Variants in MUC7 observed in about 807,000 individuals in gnomAD.
MUC7 encodes mucin 7, secreted.
Under a neutral mutation model 2.5 loss-of-function variants are expected in MUC7, and 2 were observed. The ratio of observed to expected loss-of-function variants is 0.81; its 90% CI spans 0.33 to 2.55. The LOEUF is 2.55. Ranked by LOEUF, MUC7 falls within the 30% of genes most tolerant of loss-of-function variation. The probability of loss-of-function intolerance (pLI) is 0.11; values close to 1 mark genes in which losing one functional copy is unlikely to be tolerated. For missense variants in MUC7, 408 were observed against 455.6 expected (o/e 0.90, Z 0.95); for synonymous variants, 133 against 173.4 (o/e 0.77, Z 1.83).
In MUC7 at chr4:70,477,744, G is replaced by A. The variant is rs116644642; in HGVS notation, c.55-3055G>A. 1.2e-3 allele frequency among the ~76,000 whole-genome samples: 177 copies of A among 152,064 alleles called. 3 individuals are homozygous for A. The highest frequency in any genetic ancestry group is 3.9e-3 in the African/African-American group (162 of 41,480). On this transcript the variant is annotated intron_variant, in intron 2 of 2. Transcript: ENST00000304887. ...CATCCATATAATGAAGATAATAACC[G>A]TACCCACCTTATGATATTACTAAGA...
upstream of MUC7, among the ~76,000 whole-genome samples, chr4:70,468,438 G>T (rs189723485): frequency 6.6e-6 from 1 of 152,030 alleles, no homozygotes; most frequent in African/African-American, 2.4e-5. Context: ...AGAAATAAAG[G>T]GTATTCAAAT....
intron 1 of MUC7, among the ~76,000 whole-genome samples, chr4:70,432,970 C>T (rs928303517): frequency 6.6e-6 from 1 of 152,200 alleles, no homozygotes; most frequent in African/African-American, 2.4e-5. Context: ...TTCCCGACAC[C>T]ACTTATTACA....
At chr4:70,435,078 G>T (rs1292309800) in intron 1 of MUC7, among the ~76,000 whole-genome samples, 2 of 152,130 alleles carry the variant, frequency 1.3e-5, no homozygotes, top group African/African-American at 2.4e-5. Context: ...GAGACAGTTT[G>T]TTGTGATTTC....
At position 70,461,428 on chromosome 4, in the gene MUC7, T is replaced by G. The variant is rs77188644; in HGVS notation, c.-92-10787T>G. Among the ~76,000 whole-genome samples, 494 of 152,306 alleles carry G rather than the reference T, an allele frequency of 3.2e-3. 1 individual carries two copies. The highest frequency in any genetic ancestry group is 0.011 in the African/African-American group (478 of 41,576). On this transcript the variant is annotated intron_variant, in intron 1 of 3. Coordinates refer to the MUC7 transcript ENST00000413702. ...ATGGACTCATTATTAGAAAAACCTG[T>G]GTGTTTTACTGATTTTCCAGTAGAA... is the stretch of plus-strand genomic sequence containing the variant.
rs567678861 is a variant in MUC7 at position 70,432,736 on chromosome 4, A to G, written c.-93+2049A>G. Among the ~76,000 whole-genome samples, 13 of 152,252 alleles carry G rather than the reference A, an allele frequency of 8.5e-5. No homozygotes were observed. The South Asian group carries it at 2.3e-3, about 27-fold the overall frequency. On this transcript the variant is annotated intron_variant, in intron 1 of 3. Transcript: ENST00000413702. ...TGCTGTGCAGAAGCTCTTTAGTTTA[A>G]TTAGATCCCATTTGTCAATTTTGGC...
rs74755882 is a variant in MUC7, at chr4:70,453,424, T to C, written c.-92-18791T>C. Among the ~76,000 whole-genome samples the C allele has an allele frequency of 4.3e-4, 65 of 152,308 alleles. No homozygotes were observed. In the East Asian group the frequency reaches 0.012, roughly 29 times the overall value. On this transcript the variant is annotated intron_variant, in intron 1 of 3. Transcript: ENST00000413702. ...CACAGCCACTGCCACCACAGGCTCA[T>C]GAATAGTATTGCCTGACTACTGCTG...
intron 2 of MUC7, 33 bp from the exon 3 acceptor site, chr4:70,480,766 T>G: frequency 6.3e-7 from 1 of 1,597,778 alleles, no homozygotes; most frequent in Non-Finnish European, 8.5e-7. Context: ...TGGATACTTT[T>G]TTCATTTCTT....
intron 1 of MUC7, among the ~76,000 whole-genome samples, chr4:70,446,395 G>T (rs1223474364): frequency 6.6e-6 from 1 of 152,144 alleles, no homozygotes; most frequent in Non-Finnish European, 1.5e-5. Flanking sequence ...TCTTGCCTGT[G>T]AAACCTGTAG....
At chr4:70,456,244 T>G (rs912505973) in intron 1 of MUC7, among the ~76,000 whole-genome samples, 1 of 152,126 alleles carries the variant, frequency 6.6e-6, no homozygotes, top group Non-Finnish European at 1.5e-5. Context: ...CTGAAAACAT[T>G]TACTCAAAAA....
chr4:70,450,165 A>G (rs1051167890), intron 1 of MUC7, among the ~76,000 whole-genome samples: 1 of 152,226 alleles, frequency 6.6e-6, no homozygotes, highest in Non-Finnish European at 1.5e-5. Context: ...TCAAGCCACA[A>G]GATGCAGTCC....
chr4:70,435,916 A>AG (rs1187818977), intron 1 of MUC7, among the ~76,000 whole-genome samples: 1 of 152,030 alleles, frequency 6.6e-6, no homozygotes, highest in Non-Finnish European at 1.5e-5. Context: ...AAATCTCTTC[A>AG]CATTTGCTTG....
chr4:70,434,781 T>C (rs1220106532), intron 1 of MUC7, among the ~76,000 whole-genome samples: 1 of 152,224 alleles, frequency 6.6e-6, no homozygotes, highest in African/African-American at 2.4e-5. Context: ...CTTCTCTAGT[T>C]CTTTTAATTG....
rs188137864 is a variant in MUC7 at position 70,452,907 on chromosome 4, G to C, written c.-92-19308G>C. ...TGATGAAATCCCTCAGGTTTTGTTT[G>C]TCTGGGAAAGTCTCTATTCCTCTTT... On this transcript the variant is annotated intron_variant, in intron 1 of 3. Transcript: ENST00000413702. Among the ~76,000 whole-genome samples the C allele has an allele frequency of 7.9e-5, 12 of 152,266 alleles. No homozygotes were observed. The East Asian group carries it at 2.3e-3, about 29-fold the overall frequency.
At position 70,466,014 on chromosome 4, in the gene MUC7, C is replaced by G. The variant is rs368928824; in HGVS notation, c.-92-6201C>G. On this transcript the variant is annotated intron_variant, in intron 1 of 3. Coordinates refer to the MUC7 transcript ENST00000413702. ...AGCCAGAGAGAAAGGTCAGGTTACC[C>G]ACAAAGGGAAGCCCATCAAACTAAC... 5.0e-4 allele frequency among the ~76,000 whole-genome samples: 76 copies of G among 152,256 alleles called. 2 individuals are homozygous for G. In the South Asian group the frequency reaches 0.016, roughly 31 times the overall value.
At chr4:70,434,586 T>G (rs1733776518) in intron 1 of MUC7, among the ~76,000 whole-genome samples, 1 of 152,234 alleles carries the variant, frequency 6.6e-6, no homozygotes, top group African/African-American at 2.4e-5. Flanking sequence ...CATTTTTTAT[T>G]GCATCTATTT....
upstream of MUC7, among the ~76,000 whole-genome samples, chr4:70,471,280 A>G (rs1020334994): frequency 1.3e-5 from 2 of 152,114 alleles, no homozygotes; most frequent in Non-Finnish European, 2.9e-5. Flanking sequence ...TATCACTACC[A>G]TGGGGGAAAT....
intron 1 of MUC7, among the ~76,000 whole-genome samples, chr4:70,458,280 T>A (rs990749173): frequency 6.6e-6 from 1 of 151,960 alleles, no homozygotes. Context: ...ATTCATAATT[T>A]AAAAAAAGAA....
chr4:70,441,091 A>G (rs955629572), intron 1 of MUC7, among the ~76,000 whole-genome samples: 1 of 152,196 alleles, frequency 6.6e-6, no homozygotes, highest in Non-Finnish European at 1.5e-5. Flanking sequence ...ACTTGATTCA[A>G]TAATTTTTAT....
At chr4:70,446,572 C>T (rs1734144400) in intron 1 of MUC7, among the ~76,000 whole-genome samples, 1 of 152,120 alleles carries the variant, frequency 6.6e-6, no homozygotes, top group African/African-American at 2.4e-5. Context: ...GATTAGGAGC[C>T]CATCCTACTC....
Sources: gnomAD v4.1 joint callset for allele counts (sites outside exome capture counted in the v4.1 genomes callset) on GRCh38, gnomAD v4.1.1 for gene constraint, MANE v1.5 for transcripts, NCBI Gene and HGNC (gene_info 2026-07-23, HGNC 2026-07-21) for gene names.